Variants in SOS2 observed in about 807,000 individuals in gnomAD.
SOS2 encodes the protein SOS Ras/Rho guanine nucleotide exchange factor 2, also known as son of sevenless homolog 2.
Under a neutral mutation model 148.2 loss-of-function variants are expected in SOS2, and 65 were observed. The ratio of observed to expected loss-of-function variants is 0.44; its 90% CI spans 0.36 to 0.54. SOS2 has a LOEUF of 0.54. SOS2 is among the 20% of genes least tolerant of loss of function. The pLI, the probability that SOS2 is intolerant of heterozygous loss-of-function variation, is 0.00. For missense variants in SOS2, 1,341 were observed against 1,590.2 expected (o/e 0.84, Z 2.67); for synonymous variants, 539 against 537.1 (o/e 1.00, Z -0.05).
chr14:50,153,893 G>A (rs372750077), intron 12 of SOS2, among the ~76,000 whole-genome samples: 11 of 152,256 alleles, frequency 7.2e-5, no homozygotes, highest in East Asian at 1.9e-4. Flanking sequence ...GATTATAGGC[G>A]TGAGCCACTG....
chr14:50,219,130 A>G (rs1346320853), intron 1 of SOS2, among the ~76,000 whole-genome samples: 1 of 152,096 alleles, frequency 6.6e-6, no homozygotes, highest in Non-Finnish European at 1.5e-5. Flanking sequence ...AAAAAAGTTA[A>G]GCATCCACCT....
At chr14:50,196,928 C>T (rs926789625) in intron 4 of SOS2, among the ~76,000 whole-genome samples, 7 of 152,142 alleles carry the variant, frequency 4.6e-5, no homozygotes, top group South Asian at 2.1e-4. Flanking sequence ...TGTGCAGTGG[C>T]GTGATCTCGA....
chr14:50,199,085 A>G (rs1309920265), intron 4 of SOS2, among the ~76,000 whole-genome samples: 1 of 152,140 alleles, frequency 6.6e-6, no homozygotes, highest in African/African-American at 2.4e-5. Context: ...CCAGGGAGGC[A>G]AAGTTTGCAG....
intron 8 of SOS2, among the ~76,000 whole-genome samples, chr14:50,173,557 G>C (rs1885436126): frequency 6.6e-6 from 1 of 152,106 alleles, no homozygotes; most frequent in African/African-American, 2.4e-5. Context: ...AAGTAGCTGG[G>C]ACTACAGGCG....
chr14:50,157,986 T>C (rs1374888425), intron 11 of SOS2, among the ~76,000 whole-genome samples: 27 of 152,150 alleles, frequency 1.8e-4, no homozygotes, highest in Admixed American at 1.7e-3. Context: ...CCGTATTTTC[T>C]AGAGATACAT....
At chr14:50,230,212 T>A (rs1887497667) in intron 1 of SOS2, among the ~76,000 whole-genome samples, 1 of 152,238 alleles carries the variant, frequency 6.6e-6, no homozygotes, top group Non-Finnish European at 1.5e-5. Context: ...GAGGATATAT[T>A]TTCCAAGTAT....
chr14:50,160,325 G>C (rs180768356), intron 9 of SOS2, among the ~76,000 whole-genome samples: 1 of 142,378 alleles, frequency 7.0e-6, no homozygotes, highest in South Asian at 2.3e-4. Flanking sequence ...TTCTTTCATA[G>C]ATTATATTTT....
chr14:50,124,587 T>C (rs1883627601), intron 21 of SOS2, among the ~76,000 whole-genome samples: 1 of 152,172 alleles, frequency 6.6e-6, no homozygotes, highest in Non-Finnish European at 1.5e-5. Context: ...CCAATTTACA[T>C]GGGGATAAGT....
chr14:50,205,656 G>T (rs990458020), intron 1 of SOS2, among the ~76,000 whole-genome samples: 7 of 152,134 alleles, frequency 4.6e-5, no homozygotes, highest in Non-Finnish European at 7.4e-5. Context: ...ATTAGCATAG[G>T]CACGGTGGCT....
intron 1 of SOS2, among the ~76,000 whole-genome samples, chr14:50,225,392 T>A (rs186473292): frequency 6.6e-6 from 1 of 152,318 alleles, no homozygotes. Context: ...AGTCCATGGT[T>A]AATACAAAAG....
At position 50,118,868 on chromosome 14, in the gene SOS2, T is replaced by G. The variant is rs1183448885; in HGVS notation, c.3490-15A>C. 1 of 1,204,160 alleles carries G rather than the reference T, an allele frequency of 8.3e-7. No individual in the cohort carries two copies. The highest frequency in any genetic ancestry group is 1.1e-6 in the Non-Finnish European group (1 of 884,274). 74.6% of individuals were successfully genotyped at this position (1,204,160 alleles called of 1,614,324 possible). A position where few individuals can be genotyped will look rare whatever the true frequency, so the allele number is the denominator to read the frequency against. ...TTCATATTTCCCTCAAAAAAAAAAG[T>G]AATTAAATTATACCTCTATTCTGAA... is the stretch of plus-strand genomic sequence containing the variant. On this transcript the variant is annotated splice_polypyrimidine_tract_variant and intron_variant, in intron 22 of 22. Coordinates refer to ENST00000216373, the MANE Select transcript of SOS2 (RefSeq NM_006939.4).
intron 5 of SOS2, among the ~76,000 whole-genome samples, chr14:50,184,158 A>C (rs1885835730): frequency 6.6e-6 from 1 of 152,246 alleles, no homozygotes; most frequent in Non-Finnish European, 1.5e-5. Flanking sequence ...CACTGACTAA[A>C]ACATCATATG....
At chr14:50,136,192 A>G (rs1202592014) in intron 18 of SOS2, among the ~76,000 whole-genome samples, 7 of 152,264 alleles carry the variant, frequency 4.6e-5, no homozygotes, top group Non-Finnish European at 7.3e-5. Context: ...TCAGAAAGCT[A>G]TAACAGCAGT....
In SOS2 at chr14:50,118,848, A is replaced by G. The variant is rs756887073; in HGVS notation, c.3495T>C (p.Asn1165=). 10 of 1,334,438 alleles carry G rather than the reference A, an allele frequency of 7.5e-6. No homozygotes were observed. The Admixed American group carries it at 1.3e-4, about 17-fold the overall frequency. The allele number at this position is 1,334,438 out of a possible 1,614,324, so 82.7% of individuals were successfully genotyped here. A position where few individuals can be genotyped will look rare whatever the true frequency, so the allele number is the denominator to read the frequency against. The change falls in exon 23 of 23, where the codon AAT becomes AAC. Residue 1165 remains asparagine, a synonymous_variant. Transcript: ENST00000216373. The stretch of plus-strand genomic sequence containing the variant: ...CAGGAGGATCATCATCAGATTTCAT[A>G]TTTCCCTCAAAAAAAAAAGTAATTA... The part of the protein sequence containing the change: ...FDHDASNSKG[N]MKSDDDPPAI...
intron 1 of SOS2, among the ~76,000 whole-genome samples, chr14:50,214,607 T>A: frequency 6.6e-6 from 1 of 151,642 alleles, no homozygotes. Flanking sequence ...GGCCGAGGAG[T>A]TTCAGGCTTC....
chr14:50,225,548 G>C (rs551795015), intron 1 of SOS2, among the ~76,000 whole-genome samples: 7 of 152,170 alleles, frequency 4.6e-5, no homozygotes, highest in Non-Finnish European at 8.8e-5. Flanking sequence ...TGCTGACAGG[G>C]AGCCAAGTAC....
At chr14:50,222,637 T>C (rs1482536861) in intron 1 of SOS2, among the ~76,000 whole-genome samples, 2 of 152,020 alleles carry the variant, frequency 1.3e-5, no homozygotes, top group East Asian at 1.9e-4. Flanking sequence ...AGGTAGAAAA[T>C]TCAGCAAGTA....
In SOS2 at chr14:50,145,671, A is replaced by T. The variant is rs1594970247; in HGVS notation, c.2385-75T>A. ...CTTAAAGATCTTCTAAAACTTAATA[A>T]GAAAAAGACAATTAACCCAAAAGAC... On this transcript the variant is annotated intron_variant, in intron 14 of 22. Coordinates refer to ENST00000216373, the MANE Select transcript of SOS2 (RefSeq NM_006939.4). The T allele has an allele frequency of 3.0e-6, 3 of 997,430 alleles. No individual in the cohort carries two copies. The East Asian group carries it at 7.4e-5, about 25-fold the overall frequency. 61.8% of individuals were successfully genotyped at this position (997,430 alleles called of 1,614,324 possible). A position where few individuals can be genotyped will look rare whatever the true frequency, so the allele number is the denominator to read the frequency against.
chr14:50,204,896 T>TGTTC (rs1566479242), intron 1 of SOS2, among the ~76,000 whole-genome samples: 1 of 31,084 alleles, frequency 3.2e-5, no homozygotes, highest in African/African-American at 1.3e-4. Flanking sequence ...TTTTCTTTTT[T>TGTTC]TTTCTTTCTT....
Sources: gnomAD v4.1 joint callset for allele counts (sites outside exome capture counted in the v4.1 genomes callset) on GRCh38, gnomAD v4.1.1 for gene constraint, MANE v1.5 for transcripts, NCBI Gene and HGNC (gene_info 2026-07-23, HGNC 2026-07-21) for gene names.